Variants in CALD1 observed in about 807,000 individuals in gnomAD.
CALD1 encodes the protein caldesmon 1, also known as caldesmon.
In CALD1, 33 loss-of-function variants were observed where a neutral mutation model predicts 99.9. The ratio of observed to expected loss-of-function variants is 0.33; its 90% CI spans 0.25 to 0.44. The LOEUF (loss-of-function observed/expected upper bound fraction) is 0.44, where lower values mean the gene tolerates loss of function less well. Ranked by LOEUF, CALD1 falls within the 20% of genes least tolerant of loss-of-function variation. CALD1 has a pLI of 1.00. For synonymous variants in CALD1, 310 were observed against 325.0 expected (o/e 0.95, Z 0.50); for missense variants, 861 against 962.1 (o/e 0.89, Z 1.39).
intron 3 of CALD1, among the ~76,000 whole-genome samples, chr7:134,905,766 C>T (rs1252939357): frequency 6.6e-6 from 1 of 151,866 alleles, no homozygotes; most frequent in African/African-American, 2.4e-5. Flanking sequence ...TTTACAGGCC[C>T]TAAAAAGAAG....
chr7:134,760,749 G>A (rs897577183), intron 1 of CALD1, among the ~76,000 whole-genome samples: 4 of 152,116 alleles, frequency 2.6e-5, no homozygotes, highest in Non-Finnish European at 4.4e-5. Context: ...TAGGATGGTC[G>A]CCTACAGTGG....
intron 3 of CALD1, chr7:134,891,591 C>A: frequency 6.2e-7 from 1 of 1,600,352 alleles, no homozygotes. Flanking sequence ...CCGTATCTCT[C>A]TGCCCCGCCG....
At chr7:134,771,034 G>C (rs1796873997) in intron 1 of CALD1, among the ~76,000 whole-genome samples, 1 of 152,146 alleles carries the variant, frequency 6.6e-6, no homozygotes, top group African/African-American at 2.4e-5. Flanking sequence ...AAAAGCAGGA[G>C]TCCTCCACAC....
At chr7:134,731,657 C>CTT in the CALD1 span, among the ~76,000 whole-genome samples, 68 of 150,598 alleles carry the variant, frequency 4.5e-4, no homozygotes, top group East Asian at 1.8e-3. Context: ...CCTCCACTTC[C>CTT]TTTTTTTTTC....
intron 1 of CALD1, among the ~76,000 whole-genome samples, chr7:134,770,895 G>C (rs935522309): frequency 2.6e-5 from 4 of 152,126 alleles, no homozygotes; most frequent in African/African-American, 7.2e-5. Context: ...CAAACCACAT[G>C]GTCAAGTCCG....
chr7:134,849,170 C>G (rs1461854677), intron 2 of CALD1, among the ~76,000 whole-genome samples: 1 of 152,206 alleles, frequency 6.6e-6, no homozygotes, highest in East Asian at 1.9e-4. Context: ...TCTCTGCCCT[C>G]TCATCCACCT....
chr7:134,798,219 T>C (rs1219775401), intron 1 of CALD1, among the ~76,000 whole-genome samples: 1 of 152,234 alleles, frequency 6.6e-6, no homozygotes, highest in East Asian at 1.9e-4. Flanking sequence ...AAGCTAACTC[T>C]TTTCTTGAAC....
At chr7:134,719,081 C>T in the CALD1 span, among the ~76,000 whole-genome samples, 1 of 152,154 alleles carries the variant, frequency 6.6e-6, no homozygotes, top group Non-Finnish European at 1.5e-5. Flanking sequence ...TCCTACAGCT[C>T]ACAAATGTTA....
At chr7:134,920,364 T>C in intron 3 of CALD1, 1 of 218,880 alleles carries the variant, frequency 4.6e-6, no homozygotes, top group Non-Finnish European at 7.7e-6. Context: ...CTAACCTACA[T>C]GAGGTTTTTA....
chr7:134,920,769 T>G (rs988251531), intron 3 of CALD1: 1 of 897,020 alleles, frequency 1.1e-6, no homozygotes, highest in Non-Finnish European at 1.6e-6. Flanking sequence ...GCATTCATTC[T>G]GTCAGATAGT....
At chr7:134,855,447 TC>T (rs1191523445) in intron 2 of CALD1, among the ~76,000 whole-genome samples, 2 of 152,210 alleles carry the variant, frequency 1.3e-5, no homozygotes, top group African/African-American at 4.8e-5. Context: ...AGAGGTGCAA[TC>T]CCACAATAGT....
intron 9 of CALD1, among the ~76,000 whole-genome samples, chr7:134,955,965 T>C (rs1435791246): frequency 1.3e-5 from 2 of 152,142 alleles, no homozygotes; most frequent in Admixed American, 6.5e-5. Flanking sequence ...TGCCAGTGCA[T>C]TGCATAGTTC....
At chr7:134,855,938 T>C (rs1253094320) in intron 2 of CALD1, among the ~76,000 whole-genome samples, 1 of 152,244 alleles carries the variant, frequency 6.6e-6, no homozygotes, top group Admixed American at 6.5e-5. Flanking sequence ...ATTTTTCCAT[T>C]TTCTTTGTAG....
chr7:134,958,388 T>C (rs1254341984), intron 11 of CALD1, 98 bp downstream of exon 11: 5 of 921,558 alleles, frequency 5.4e-6, no homozygotes, highest in Non-Finnish European at 7.0e-6. Context: ...TCAAGTCCAA[T>C]AGCCCCAGGA....
chr7:134,967,254 A>T (rs1808743281), intron 14 of CALD1, among the ~76,000 whole-genome samples: 1 of 152,152 alleles, frequency 6.6e-6, no homozygotes. Context: ...GTGAGTTTTC[A>T]TGTGCCACTA....
intron 1 of CALD1, among the ~76,000 whole-genome samples, chr7:134,795,838 T>C (rs1367914590): frequency 6.6e-6 from 1 of 152,114 alleles, no homozygotes; most frequent in African/African-American, 2.4e-5. Flanking sequence ...GATGCGACGG[T>C]GGAATGGAAA....
At chr7:134,946,884 C>T (rs1806923339) in intron 7 of CALD1, among the ~76,000 whole-genome samples, 1 of 151,578 alleles carries the variant, frequency 6.6e-6, no homozygotes, top group Non-Finnish European at 1.5e-5. Flanking sequence ...GACAGGGTTT[C>T]ACTGTGTTGC....
rs190591090 is a variant in CALD1, at chr7:134,800,467, A to G, written c.-130+20718A>G. ...ATAATTACTGTTCATGTTTCTAACT[A>G]TGTTGCTTAATACACATAAGTTTAT... On this transcript the variant is annotated intron_variant, in intron 1 of 14. Transcript: ENST00000361675. Among the ~76,000 whole-genome samples the G allele has an allele frequency of 8.7e-4, 132 of 152,200 alleles. 1 individual carries two copies. In the Middle Eastern group the frequency reaches 0.014, roughly 16 times the overall value.
intron 3 of CALD1, among the ~76,000 whole-genome samples, chr7:134,927,359 G>A (rs1805104606): frequency 2.6e-5 from 4 of 151,582 alleles, no homozygotes; most frequent in Admixed American, 6.6e-5. Context: ...ACCATCCTGG[G>A]CAACATAATG....
Sources: gnomAD v4.1 joint callset for allele counts (sites outside exome capture counted in the v4.1 genomes callset) on GRCh38, gnomAD v4.1.1 for gene constraint, MANE v1.5 for transcripts, NCBI Gene and HGNC (gene_info 2026-07-23, HGNC 2026-07-21) for gene names.